Variants in SLF1 observed in about 807,000 individuals in gnomAD.
The protein encoded by SLF1 is SMC5/6 complex localization factor 1, also known as SMC5-SMC6 complex localization factor protein 1.
SLF1 carries 105 observed loss-of-function variants against 123.0 expected under a neutral mutation model. The observed-to-expected ratio is 0.85, with a 90% CI of 0.73 to 1.00. The LOEUF (loss-of-function observed/expected upper bound fraction) is 1.00. Ranked by LOEUF, SLF1 falls within the 50% of genes least tolerant of loss-of-function variation. SLF1 has a pLI of 0.00. For missense variants in SLF1, 1,239 were observed against 1,223.0 expected, an observed-to-expected ratio of 1.01 and a Z score of -0.20; for synonymous variants, 434 against 406.6, an observed-to-expected ratio of 1.07 and a Z score of -0.81.
At chr5:94,636,159 C>T (rs747672061) in intron 4 of SLF1, among the ~76,000 whole-genome samples, 8 of 152,238 alleles carry the variant, frequency 5.3e-5, no homozygotes, top group East Asian at 1.9e-4. Context: ...CTGGTAATTA[C>T]GTTCAGACTC....
intron 15 of SLF1, among the ~76,000 whole-genome samples, chr5:94,685,183 T>G (rs1752273738): frequency 6.6e-6 from 1 of 152,254 alleles, no homozygotes; most frequent in Non-Finnish European, 1.5e-5. Flanking sequence ...GGTGTCTGCA[T>G]TCTCTTCACG....
chr5:94,678,223 G>A (rs1207798665), intron 14 of SLF1, among the ~76,000 whole-genome samples: 3 of 151,994 alleles, frequency 2.0e-5, no homozygotes, highest in Non-Finnish European at 4.4e-5. Context: ...CCCGGCCAGT[G>A]ATATACTTTT....
Position 94,656,028 on chromosome 5 carries a change from G to T in SLF1, c.1155+1276G>T, listed in dbSNP as rs1585162041. The stretch of plus-strand genomic sequence containing the variant: ...AAGTAGGCATTCTTTTCTAGTTTCA[G>T]TCCTTAGGGAATGGCTTTCATGGTT... On this transcript the variant is annotated intron_variant, in intron 9 of 20. Coordinates refer to ENST00000265140, the MANE Select transcript of SLF1 (RefSeq NM_032290.4). Among the ~76,000 whole-genome samples the T allele has an allele frequency of 2.0e-5, 3 of 152,116 alleles. No homozygotes were observed. The Middle Eastern group carries it at 0.01, about 517-fold the overall frequency.
chr5:94,639,792 GTA>G (rs1401037571), intron 4 of SLF1, among the ~76,000 whole-genome samples: 1 of 152,200 alleles, frequency 6.6e-6, no homozygotes, highest in Non-Finnish European at 1.5e-5. Flanking sequence ...TTCATATTGA[GTA>G]GGCTGAGTAG....
intron 14 of SLF1, among the ~76,000 whole-genome samples, chr5:94,671,227 G>A (rs1750408161): frequency 6.6e-6 from 1 of 151,814 alleles, no homozygotes; most frequent in African/African-American, 2.4e-5. Context: ...TGAATTATAT[G>A]ATAGTTACTG....
chr5:94,662,857 T>G (rs1749293538), intron 10 of SLF1, among the ~76,000 whole-genome samples: 1 of 152,234 alleles, frequency 6.6e-6, no homozygotes, highest in African/African-American at 2.4e-5. Context: ...TTTAATTCCA[T>G]GTAGTCTTTT....
In SLF1 at chr5:94,643,312, A is replaced by G; in HGVS notation, c.471A>G (p.Lys157=). ...GAAAGGCAAATGTTATTTTACCAAA[A>G]AGTTCACCAAGTGGAATAACTCATG... The part of the protein sequence containing the change: ...EAGKANVILP[K]SSPSGITHVI... The change falls in exon 5 of 21, where the codon AAA becomes AAG. Residue 157 remains lysine, a synonymous_variant. Transcript: ENST00000265140. The G allele has an allele frequency of 6.5e-7, 1 of 1,541,850 alleles. No homozygotes were observed. Among genetic ancestry groups the G allele is most frequent in the South Asian group, 1.2e-5 (1 of 81,832 alleles).
At chr5:94,678,389 A>G (rs1297019741) in intron 14 of SLF1, 1 of 152,710 alleles carries the variant, frequency 6.5e-6, no homozygotes, top group African/African-American at 2.4e-5. Context: ...AATGTCATAA[A>G]GAGAAATGTA....
chr5:94,686,705 C>G lies in SLF1; in HGVS notation c.2108C>G (p.Ser703Cys). Residue 703 changes from serine to cysteine, a missense_variant, in exon 16 of 21, where the codon TCT (serine) becomes TGT (cysteine). Ser to Cys is a moderately radical substitution (Grantham distance 112). Transcript: ENST00000265140. The stretch of plus-strand genomic sequence containing the variant: ...GGCAGTGTTTCTTCTGAGCCACTCT[C>G]TCTTCAGAAAATGGTAAGTACCTCT... ...SSGSVSSEPL[S>C]LQKMVYSYLP... 6.2e-7 allele frequency: 1 copy of G among 1,613,842 alleles called. No homozygotes were observed.
intron 15 of SLF1, among the ~76,000 whole-genome samples, chr5:94,682,482 C>T (rs749428851): frequency 4.6e-5 from 7 of 152,248 alleles, no homozygotes; most frequent in African/African-American, 9.6e-5. Flanking sequence ...TTGAAGATAT[C>T]GGTCCATCTT....
chr5:94,685,768 G>A (rs189666567), intron 15 of SLF1, among the ~76,000 whole-genome samples: 21 of 151,690 alleles, frequency 1.4e-4, no homozygotes, highest in African/African-American at 4.8e-4. Flanking sequence ...CTGGGAGGCG[G>A]AGGTTGCAGT....
intron 4 of SLF1, among the ~76,000 whole-genome samples, chr5:94,637,249 G>C (rs1745922839): frequency 6.6e-6 from 1 of 152,150 alleles, no homozygotes; most frequent in Non-Finnish European, 1.5e-5. Flanking sequence ...GGAGATCACT[G>C]CTTGTGATTC....
At chr5:94,677,172 A>G (rs1488468372) in intron 14 of SLF1, among the ~76,000 whole-genome samples, 1 of 152,216 alleles carries the variant, frequency 6.6e-6, no homozygotes, top group East Asian at 1.9e-4. Context: ...CTTTTATGTA[A>G]AATGTACTAT....
At position 94,653,395 on chromosome 5, in the gene SLF1, A is replaced by G. The variant is rs1355687661; in HGVS notation, c.1006A>G (p.Arg336Gly). 2.6e-6 allele frequency: 4 copies of G among 1,523,346 alleles called. No individual in the cohort carries two copies. In the African/African-American group the frequency reaches 4.3e-5, roughly 16 times the overall value. The allele number at this position is 1,523,346 out of a possible 1,614,324, so 94.4% of individuals were successfully genotyped here. A position where few individuals can be genotyped will look rare whatever the true frequency, so the allele number is the denominator to read the frequency against. ...ACATGAAAAAATAAAAAGTACCTTA[A>G]GAAGGCACATATATAATAGAGATCA... ...VEHEKIKSTL[R>G]RHIYNRDQKE... Residue 336 changes from arginine (R) to glycine (G), a missense_variant, in exon 8 of 21, where the codon AGA (arginine) becomes GGA (glycine). Arg to Gly is a moderately radical substitution (Grantham distance 125, BLOSUM62 -2). Coordinates refer to ENST00000265140, the MANE Select transcript of SLF1 (RefSeq NM_032290.4).
At chr5:94,650,055 CAATAA>C (rs1747503464) in intron 6 of SLF1, among the ~76,000 whole-genome samples, 1 of 151,942 alleles carries the variant, frequency 6.6e-6, no homozygotes, top group Non-Finnish European at 1.5e-5. Context: ...GAACTTGGAG[CAATAA>C]AAAGTACCTC....
rs1295717455 is a variant in SLF1, at chr5:94,649,899, C to T, written c.738+302C>T. Among the ~76,000 whole-genome samples the T allele has an allele frequency of 2.6e-5, 4 of 151,998 alleles. No homozygotes were observed. In the South Asian group the frequency reaches 6.2e-4, roughly 24 times the overall value. On this transcript the variant is annotated intron_variant, in intron 6 of 20. Coordinates refer to ENST00000265140, the MANE Select transcript of SLF1 (RefSeq NM_032290.4). ...TAACTTACTTATGTTTAGGTAACAT[C>T]GTGTGTCTTATAAAGCATTTTTCTT...
At chr5:94,663,175 C>A (rs1160772455) in intron 10 of SLF1, among the ~76,000 whole-genome samples, 2 of 152,180 alleles carry the variant, frequency 1.3e-5, no homozygotes, top group African/African-American at 4.8e-5. Flanking sequence ...ACTGCAAATT[C>A]CTGTTAAAGG....
chr5:94,639,640 A>G (rs1350950874), intron 4 of SLF1, among the ~76,000 whole-genome samples: 3 of 152,302 alleles, frequency 2.0e-5, no homozygotes, highest in East Asian at 1.9e-4. Flanking sequence ...CATAACTACT[A>G]GTAGCCTACT....
intron 4 of SLF1, among the ~76,000 whole-genome samples, chr5:94,631,274 A>G (rs1194329496): frequency 6.6e-6 from 1 of 152,080 alleles, no homozygotes; most frequent in Admixed American, 6.6e-5. Context: ...GTAATTTATA[A>G]TCAATAACAT....
Sources: gnomAD v4.1 joint callset for allele counts (sites outside exome capture counted in the v4.1 genomes callset) on GRCh38, gnomAD v4.1.1 for gene constraint, MANE v1.5 for transcripts, NCBI Gene and HGNC (gene_info 2026-07-23, HGNC 2026-07-21) for gene names.